The following KAT6A variants were observed in gnomAD, a reference collection of about 807,000 sequenced individuals.
KAT6A encodes lysine acetyltransferase 6A.
Under a neutral mutation model 198.4 loss-of-function variants are expected in KAT6A, and 9 were observed. The ratio of observed to expected loss-of-function variants is 0.05; its 90% CI spans 0.03 to 0.08. The LOEUF (loss-of-function observed/expected upper bound fraction) is 0.08. Among genes scored for constraint, KAT6A ranks in the 10% least tolerant of loss-of-function variants. The probability of loss-of-function intolerance (pLI) is 1.00; values close to 1 mark genes in which losing one functional copy is unlikely to be tolerated. For missense variants in KAT6A, 2,077 were observed against 2,509.9 expected (o/e 0.83, Z 3.69); for synonymous variants, 890 against 883.0 (o/e 1.01, Z -0.14).
intron 2 of KAT6A, among the ~76,000 whole-genome samples, chr8:42,047,829 T>C (rs748946511): frequency 1.3e-5 from 2 of 152,188 alleles, no homozygotes; most frequent in Non-Finnish European, 2.9e-5. Context: ...AAAGCTATAA[T>C]ACAAACAGCA....
chr8:41,973,228 A>AT lies in KAT6A; in HGVS notation c.1482+1475dup, dbSNP rs781037656. 8.2e-3 allele frequency among the ~76,000 whole-genome samples: 1,191 copies of AT among 144,896 alleles called. 10 individuals carry two copies. Among genetic ancestry groups the AT allele is most frequent in the African/African-American group, 0.023 (909 of 39,616 alleles). ...TAGAACCCTCGGCATCAGCCTTAGAATTTTTTTTTTTTTTTGAGATGGAGT... is the reference window on the plus strand; with the variant it reads ...TAGAACCCTCGGCATCAGCCTTAGAATTTTTTTTTTTTTTTTGAGATGGAGT... On this transcript the variant is annotated intron_variant, in intron 8 of 16. Coordinates refer to ENST00000265713, the MANE Select transcript of KAT6A (RefSeq NM_006766.5).
rs532071040 is a variant in KAT6A, at chr8:41,978,158, T to C, written c.1043+484A>G. The stretch of plus-strand genomic sequence containing the variant: ...ATCCAAAGAACACAAAAATGGGACT[T>C]AGCCATCACCTCAATAGGAAGAACC... On this transcript the variant is annotated intron_variant, in intron 6 of 16. Coordinates refer to ENST00000265713, the MANE Select transcript of KAT6A (RefSeq NM_006766.5). Among the ~76,000 whole-genome samples the C allele has an allele frequency of 3.9e-5, 6 of 152,352 alleles. No homozygotes were observed. The South Asian group carries it at 6.2e-4, about 16-fold the overall frequency.
At chr8:42,023,047 T>G (rs1268841367) in intron 2 of KAT6A, among the ~76,000 whole-genome samples, 2 of 152,192 alleles carry the variant, frequency 1.3e-5, no homozygotes, top group Admixed American at 1.3e-4. Context: ...AGGCTACAGC[T>G]CCTAGCTACA....
At chr8:41,963,578 T>C (rs1326387335) in intron 8 of KAT6A, among the ~76,000 whole-genome samples, 1 of 152,232 alleles carries the variant, frequency 6.6e-6, no homozygotes, top group Non-Finnish European at 1.5e-5. Flanking sequence ...TACCTTCATT[T>C]AGGCCCCAGT....
At chr8:42,028,018 G>A (rs1219640336) in intron 2 of KAT6A, among the ~76,000 whole-genome samples, 3 of 151,874 alleles carry the variant, frequency 2.0e-5, no homozygotes, top group Non-Finnish European at 2.9e-5. Context: ...GTGATTGTTC[G>A]GGAGCATGCT....
intron 2 of KAT6A, among the ~76,000 whole-genome samples, chr8:41,993,651 T>C (rs1248783523): frequency 6.6e-6 from 1 of 152,220 alleles, no homozygotes; most frequent in African/African-American, 2.4e-5. Context: ...AGAGTAACAG[T>C]ACCTTGGGGG....
intron 1 of KAT6A, among the ~76,000 whole-genome samples, chr8:42,051,014 A>C (rs1025803709): frequency 1.3e-4 from 20 of 152,178 alleles, no homozygotes; most frequent in African/African-American, 4.8e-4. Flanking sequence ...AACTTTAAAA[A>C]CTTGGATCTG....
chr8:41,936,592 T>G (rs1821867114), intron 16 of KAT6A, among the ~76,000 whole-genome samples: 1 of 152,188 alleles, frequency 6.6e-6, no homozygotes. Flanking sequence ...GAGACCTAGT[T>G]TCAGTGTCTC....
At chr8:42,027,659 T>C (rs1826892032) in intron 2 of KAT6A, among the ~76,000 whole-genome samples, 2 of 152,156 alleles carry the variant, frequency 1.3e-5, no homozygotes, top group Admixed American at 6.5e-5. Context: ...TCATTTCTAA[T>C]TTATTTGGGT....
At chr8:42,023,333 A>T (rs906609540) in intron 2 of KAT6A, among the ~76,000 whole-genome samples, 60 of 152,294 alleles carry the variant, frequency 3.9e-4, no homozygotes, top group African/African-American at 1.3e-3. Flanking sequence ...CCTAGGCTAC[A>T]CTAAATTTGG....
chr8:42,011,782 G>A (rs1038946830), intron 2 of KAT6A, among the ~76,000 whole-genome samples: 1 of 151,646 alleles, frequency 6.6e-6, no homozygotes, highest in Non-Finnish European at 1.5e-5. Flanking sequence ...CAAGTTTGTG[G>A]CAAGGAAATA....
At chr8:42,031,045 G>GA (rs1827090417) in intron 2 of KAT6A, among the ~76,000 whole-genome samples, 1 of 133,438 alleles carries the variant, frequency 7.5e-6, no homozygotes, top group African/African-American at 2.7e-5. Context: ...AAAAGGGGGG[G>GA]GGGACAGGAG....
chr8:42,031,047 G>GC lies in KAT6A; in HGVS notation c.600+17330_600+17331insG, dbSNP rs1827091173. 2.4e-5 allele frequency among the ~76,000 whole-genome samples: 3 copies of GC among 127,462 alleles called. No homozygotes were observed. In the East Asian group the frequency reaches 8.2e-4, roughly 35 times the overall value. The allele number at this position is 127,462 out of a possible 152,430, so 83.6% of individuals were successfully genotyped here. The stretch of plus-strand genomic sequence containing the variant: ...AATGCAAAAAAAAAAAAGGGGGGGG[G>GC]GACAGGAGAAATGTATACATAAAGT... On this transcript the variant is annotated intron_variant, in intron 2 of 16. Transcript: ENST00000265713.
At chr8:42,028,425 C>T (rs985384496) in intron 2 of KAT6A, among the ~76,000 whole-genome samples, 6 of 152,068 alleles carry the variant, frequency 3.9e-5, no homozygotes, top group Admixed American at 6.6e-5. Flanking sequence ...ATATTGGGTG[C>T]GTATATATTT....
At chr8:41,975,042 T>C (rs1823980252) in intron 7 of KAT6A, among the ~76,000 whole-genome samples, 1 of 152,166 alleles carries the variant, frequency 6.6e-6, no homozygotes. Flanking sequence ...CCTAAAAATA[T>C]TATATAACTA....
intron 2 of KAT6A, among the ~76,000 whole-genome samples, chr8:42,019,089 T>C (rs1220228686): frequency 1.3e-5 from 2 of 152,172 alleles, no homozygotes; most frequent in South Asian, 2.1e-4. Flanking sequence ...AGGCAACATA[T>C]CAGCATTTAG....
chr8:41,969,885 G>C (rs1823692422), intron 8 of KAT6A, among the ~76,000 whole-genome samples: 1 of 152,106 alleles, frequency 6.6e-6, no homozygotes, highest in African/African-American at 2.4e-5. Context: ...ACTTGTCTCT[G>C]AAATGTTCTT....
At chr8:42,018,442 G>A (rs1004878010) in intron 2 of KAT6A, among the ~76,000 whole-genome samples, 2 of 152,208 alleles carry the variant, frequency 1.3e-5, no homozygotes, top group African/African-American at 2.4e-5. Flanking sequence ...AACCCAGGAG[G>A]TGGAGGCTGC....
Position 41,934,809 on chromosome 8 carries a change from A to G in KAT6A, c.3411T>C (p.Pro1137=), listed in dbSNP as rs1821769517. The G allele has an allele frequency of 6.2e-7, 1 of 1,613,606 alleles. No individual in the cohort carries two copies. Among genetic ancestry groups the G allele is most frequent in the Admixed American group, 1.7e-5 (1 of 59,868 alleles). Reference sequence around the variant, plus strand: ...AAGGTGTGGATGTATCTGGCTCAAGAGGAGAATTCTTCACATCACGTTTTC... The same window carrying G: ...AAGGTGTGGATGTATCTGGCTCAAGGGGAGAATTCTTCACATCACGTTTTC... ...LLRKRDVKNS[P]LEPDTSTPLK... Residue 1137 remains proline (P), a synonymous_variant, in exon 17 of 17, where the codon CCT becomes CCC. Coordinates refer to ENST00000265713, the MANE Select transcript of KAT6A (RefSeq NM_006766.5).
Sources: gnomAD v4.1 joint callset for allele counts (sites outside exome capture counted in the v4.1 genomes callset) on GRCh38, gnomAD v4.1.1 for gene constraint, MANE v1.5 for transcripts, NCBI Gene and HGNC (gene_info 2026-07-23, HGNC 2026-07-21) for gene names.